The following BLK variants were observed in gnomAD, a reference collection of about 807,000 sequenced individuals.
BLK encodes the protein BLK proto-oncogene, Src family tyrosine kinase, also known as tyrosine-protein kinase Blk.
In BLK, 64 loss-of-function variants were observed where a neutral mutation model predicts 61.8. The ratio of observed to expected loss-of-function variants is 1.03; its 90% CI spans 0.85 to 1.27. BLK has a LOEUF of 1.27. Among genes scored for constraint, BLK ranks in the 50% most tolerant of loss-of-function variants. The probability of loss-of-function intolerance (pLI) is 0.00; values close to 1 mark genes in which losing one functional copy is unlikely to be tolerated. For missense variants in BLK, 853 were observed against 660.5 expected (o/e 1.29, Z -3.19); for synonymous variants, 351 against 272.0 (o/e 1.29, Z -2.86).
chr8:11,495,421 G>T (rs969256992), intron 1 of BLK, among the ~76,000 whole-genome samples: 1 of 152,214 alleles, frequency 6.6e-6, no homozygotes, highest in African/African-American at 2.4e-5. Flanking sequence ...TGGAAAGGGA[G>T]AAATAGTAGC....
At chr8:11,554,703 T>TG (rs781767479) in intron 6 of BLK, 40 bp from the exon 7 acceptor site, 2 of 1,609,364 alleles carry the variant, frequency 1.2e-6, no homozygotes, top group Non-Finnish European at 1.7e-6. Flanking sequence ...TTTTTGTCTT[T>TG]GTGCCTTACT....
At chr8:11,562,557 C>G (rs889230991) in intron 11 of BLK, among the ~76,000 whole-genome samples, 3 of 152,208 alleles carry the variant, frequency 2.0e-5, no homozygotes, top group Non-Finnish European at 2.9e-5. Flanking sequence ...ACAAGTGTCA[C>G]CATTTCCATT....
At chr8:11,562,848 G>C (rs888969857) in intron 11 of BLK, 131 bp from the exon 12 acceptor site, 15 of 1,291,742 alleles carry the variant, frequency 1.2e-5, no homozygotes, top group Non-Finnish European at 1.6e-5. Flanking sequence ...CGCCATGCCT[G>C]GCCGCCCCGC....
chr8:11,557,098 G>A (rs1801274560), intron 9 of BLK, among the ~76,000 whole-genome samples: 1 of 152,166 alleles, frequency 6.6e-6, no homozygotes, highest in Non-Finnish European at 1.5e-5. Context: ...TGCATCTTCT[G>A]TGCCTAGCAC....
intron 1 of BLK, among the ~76,000 whole-genome samples, chr8:11,495,472 G>A (rs1261419604): frequency 3.3e-5 from 5 of 152,158 alleles, no homozygotes; most frequent in South Asian, 2.1e-4. Context: ...TTCACCAAGG[G>A]ACCAAGCTTA....
chr8:11,532,504 T>G (rs1470954181), intron 1 of BLK, among the ~76,000 whole-genome samples: 3 of 152,050 alleles, frequency 2.0e-5, no homozygotes, highest in Non-Finnish European at 4.4e-5. Flanking sequence ...AGCCGCCACT[T>G]CTGGCCTCTC....
At chr8:11,551,745 T>C (rs1800915351) in intron 6 of BLK, among the ~76,000 whole-genome samples, 2 of 152,186 alleles carry the variant, frequency 1.3e-5, no homozygotes, top group Admixed American at 1.3e-4. Flanking sequence ...TGGTCCCTGG[T>C]GCTCACTGGC....
intron 10 of BLK, 70 bp from the exon 11 acceptor site, chr8:11,561,232 G>C: frequency 6.4e-7 from 1 of 1,567,770 alleles, no homozygotes; most frequent in Middle Eastern, 1.7e-4. Context: ...CTGTGCGGGG[G>C]ACACAGTGTG....
intron 3 of BLK, among the ~76,000 whole-genome samples, chr8:11,546,982 G>C (rs1800676505): frequency 6.6e-6 from 1 of 152,326 alleles, no homozygotes; most frequent in Admixed American, 6.5e-5. Context: ...CCAAGAGGGT[G>C]GCCTCCTTCA....
intron 1 of BLK, among the ~76,000 whole-genome samples, chr8:11,516,183 C>A (rs1325011361): frequency 6.6e-6 from 1 of 152,206 alleles, no homozygotes; most frequent in Non-Finnish European, 1.5e-5. Flanking sequence ...CACTGCAATT[C>A]CATTTAAATG....
chr8:11,495,151 A>T (rs1352728768), intron 1 of BLK, among the ~76,000 whole-genome samples: 2 of 152,246 alleles, frequency 1.3e-5, no homozygotes, highest in Non-Finnish European at 2.9e-5. Flanking sequence ...TCACCAGGAA[A>T]CACCAACTGT....
chr8:11,539,810 T>C (rs914374471), intron 1 of BLK, among the ~76,000 whole-genome samples: 1 of 152,258 alleles, frequency 6.6e-6, no homozygotes. Context: ...ACAATAATTA[T>C]AACAAACATT....
chr8:11,519,683 C>G (rs907204864), intron 1 of BLK, among the ~76,000 whole-genome samples: 1 of 152,168 alleles, frequency 6.6e-6, no homozygotes, highest in Admixed American at 6.5e-5. Context: ...TAGTTATTAT[C>G]TCAATTGTAT....
Position 11,555,421 on chromosome 8 carries a change from C to A in BLK, c.709C>A (p.Pro237Thr). The change falls in exon 8 of 13, where the codon CCC (proline) becomes ACC (threonine). Residue 237 changes from proline (P) to threonine (T), a missense_variant. Transcript: ENST00000259089. ...NPWAQDEWEIPRQSLRLVRKL... is the reference protein window; with the variant it reads ...NPWAQDEWEITRQSLRLVRKL... ...CTGGGCCCAGGATGAATGGGAGATC[C>A]CCCGGCAGTCTCTCAGGCTGGTCAG... is the stretch of plus-strand genomic sequence containing the variant. 1 of 1,614,180 alleles carries A rather than the reference C, an allele frequency of 6.2e-7. No individual in the cohort carries two copies. Among genetic ancestry groups the A allele is most frequent in the Non-Finnish European group, 8.5e-7 (1 of 1,180,012 alleles).
chr8:11,521,977 G>C (rs745489729), intron 1 of BLK, among the ~76,000 whole-genome samples: 1 of 152,136 alleles, frequency 6.6e-6, no homozygotes, highest in Non-Finnish European at 1.5e-5. Flanking sequence ...TTGGAATATA[G>C]ATTGGAAACA....
intron 1 of BLK, among the ~76,000 whole-genome samples, chr8:11,536,478 C>T (rs1276895483): frequency 6.6e-6 from 1 of 152,162 alleles, no homozygotes; most frequent in East Asian, 1.9e-4. Flanking sequence ...GCAACCTCCA[C>T]CTCCTGGTTT....
intron 10 of BLK, chr8:11,560,955 T>A (rs749553985): frequency 1.2e-5 from 6 of 496,300 alleles, no homozygotes; most frequent in South Asian, 9.2e-5. Flanking sequence ...CTCCCCCTCC[T>A]TCCTTACCAT....
At position 11,564,598 on chromosome 8, in the gene BLK, G is replaced by T; in HGVS notation, c.*490G>T. 1 of 401,616 alleles carries T rather than the reference G, an allele frequency of 2.5e-6. No individual in the cohort carries two copies. The highest frequency in any genetic ancestry group is 5.1e-6 in the Non-Finnish European group (1 of 196,586). The allele number at this position is 401,616 out of a possible 1,614,324, so 24.9% of individuals were successfully genotyped here. A position where few individuals can be genotyped will look rare whatever the true frequency, so the allele number is the denominator to read the frequency against. ...TTCTGCAATAAAGTCACGAGCGTTC[G>T]AGCTGTTCCGTGTCGTTACCTGTGA... On this transcript the variant is annotated 3_prime_UTR_variant, in exon 13 of 13. Coordinates refer to ENST00000259089, the MANE Select transcript of BLK (RefSeq NM_001715.3).
chr8:11,547,921 T>G, intron 3 of BLK, 111 bp from the exon 4 acceptor site: 1 of 959,554 alleles, frequency 1.0e-6, no homozygotes, highest in Non-Finnish European at 1.7e-6. Flanking sequence ...AGAACATCAT[T>G]TCCATCGTGG....
Sources: gnomAD v4.1 joint callset for allele counts (sites outside exome capture counted in the v4.1 genomes callset) on GRCh38, gnomAD v4.1.1 for gene constraint, MANE v1.5 for transcripts, NCBI Gene and HGNC (gene_info 2026-07-23, HGNC 2026-07-21) for gene names.